The following MYO7B variants were observed in gnomAD, a reference collection of about 807,000 sequenced individuals.
MYO7B encodes myosin VIIB, also known as unconventional myosin-VIIb.
A neutral mutation model predicts 259.7 loss-of-function variants in MYO7B; 212 were observed. That is an observed-to-expected ratio of 0.82 (90% CI 0.73 to 0.91). The LOEUF is 0.91. Ranked by LOEUF, MYO7B falls within the 40% of genes least tolerant of loss-of-function variation. The pLI is 0.00. For missense variants in MYO7B, 2,732 were observed against 2,813.5 expected (o/e 0.97, Z 0.66); for synonymous variants, 1,197 against 1,166.4 (o/e 1.03, Z -0.54).
rs140249118 is a variant in MYO7B, at chr2:127,630,212, T to C, written c.4806+386T>C. Among the ~76,000 whole-genome samples, 5 of 152,328 alleles carry C rather than the reference T, an allele frequency of 3.3e-5. No individual in the cohort carries two copies. In the East Asian group the frequency reaches 9.6e-4, roughly 29 times the overall value. On this transcript the variant is annotated intron_variant, in intron 35 of 47. Transcript: ENST00000409816. ...CAGGAATGGCAGGCATTGCAACATGTACATACTGAGTGCTGAGTATGTGCC... is the reference window on the plus strand; with the variant it reads ...CAGGAATGGCAGGCATTGCAACATGCACATACTGAGTGCTGAGTATGTGCC...
chr2:127,549,403 G>T (rs1693363801), intron 1 of MYO7B, among the ~76,000 whole-genome samples: 1 of 152,146 alleles, frequency 6.6e-6, no homozygotes, highest in African/African-American at 2.4e-5. Context: ...AGGTAGAAAT[G>T]ATCCCGTCAC....
rs1278550638 is a variant in MYO7B at position 127,607,664 on chromosome 2, A to G, written c.2643+240A>G. Among the ~76,000 whole-genome samples, 1 of 152,188 alleles carries G rather than the reference A, an allele frequency of 6.6e-6. No homozygotes were observed. The highest frequency in any genetic ancestry group is 1.9e-4 in the East Asian group (1 of 5,190). On this transcript the variant is annotated intron_variant, in intron 21 of 47. Transcript: ENST00000409816. The surrounding 1 kb of genome is among the most constrained non-coding windows in gnomAD (Gnocchi z 4.4). The stretch of plus-strand genomic sequence containing the variant: ...CTGAGATGTAGCTATCACGAGAGAC[A>G]CACCGTCCTCCTCTCCCTATTCAAA...
At chr2:127,631,052 G>T in intron 36 of MYO7B, 144 bp downstream of exon 36, 1 of 1,374,050 alleles carries the variant, frequency 7.3e-7, no homozygotes, top group Non-Finnish European at 9.8e-7. Context: ...TGTGGAGCCT[G>T]CCTGGCCTTC....
Position 127,566,714 on chromosome 2 carries a change from A to G in MYO7B, c.357A>G (p.Val119=), listed in dbSNP as rs1435486170. The G allele has an allele frequency of 6.2e-7, 1 of 1,611,810 alleles. No individual in the cohort carries two copies. The highest frequency in any genetic ancestry group is 2.2e-5 in the East Asian group (1 of 44,856). Residue 119 remains valine (V), a synonymous_variant, in exon 5 of 48, where the codon GTA becomes GTG. Coordinates refer to ENST00000409816, the MANE Select transcript of MYO7B (RefSeq NM_001393586.1). ...QVLPLYTLEQ[V]QLYYSRHMGE... ...TGCCGCTCTACACCCTGGAGCAGGT[A>G]CAGCTCTACTACAGCCGCCATATGG... is the stretch of plus-strand genomic sequence containing the variant.
chr2:127,618,921 C>T (rs1680697471), intron 26 of MYO7B, among the ~76,000 whole-genome samples: 1 of 152,176 alleles, frequency 6.6e-6, no homozygotes, highest in South Asian at 2.1e-4. Flanking sequence ...GAACAGGAGC[C>T]AAGAGGAGGG....
Position 127,627,357 on chromosome 2 carries a change from G to A in MYO7B, c.4460+47G>A. ...CTCTTCTTACACACTGAGTCCTTGT[G>A]ATGCATCTGGGGGCTCGGGGAGAGA... On this transcript the variant is annotated intron_variant, in intron 33 of 47. Transcript: ENST00000409816. The surrounding 1 kb of genome is among the most constrained non-coding windows in gnomAD (Gnocchi z 5.6). 6.3e-7 allele frequency: 1 copy of A among 1,589,078 alleles called. No homozygotes were observed. The highest frequency in any genetic ancestry group is 1.1e-5 in the South Asian group (1 of 89,738).
rs1678905935 is a variant in MYO7B at position 127,577,213 on chromosome 2, T to C, written c.849+505T>C. On this transcript the variant is annotated intron_variant, in intron 8 of 47. Transcript: ENST00000409816. The surrounding 1 kb of genome is among the most constrained non-coding windows in gnomAD (Gnocchi z 5.2). ...CCTCAGGAGAACTGCGCCTCCTGGT[T>C]TATTGACCACAGAGTGGACCCAGAG... 1.3e-5 allele frequency among the ~76,000 whole-genome samples: 2 copies of C among 152,104 alleles called. No homozygotes were observed. The highest frequency in any genetic ancestry group is 4.2e-4 in the South Asian group (2 of 4,816).
intron 1 of MYO7B, among the ~76,000 whole-genome samples, chr2:127,545,414 C>T (rs1693185554): frequency 6.6e-6 from 1 of 152,220 alleles, no homozygotes; most frequent in Non-Finnish European, 1.5e-5. Flanking sequence ...GGCTCCCATC[C>T]TGGGTGAGCA....
intron 37 of MYO7B, 81 bp downstream of exon 37, chr2:127,631,444 C>T (rs930110252): frequency 2.1e-5 from 33 of 1,555,668 alleles, no homozygotes; most frequent in African/African-American, 4.1e-5. Flanking sequence ...TACAGCTGTG[C>T]TCTAGGGCAG....
chr2:127,634,341 G>T, intron 41 of MYO7B, 52 bp downstream of exon 41: 1 of 1,359,214 alleles, frequency 7.4e-7, no homozygotes, highest in East Asian at 2.5e-5. Flanking sequence ...AGTGAGCGAG[G>T]CCCTAGGTGC....
At chr2:127,571,189 G>T (rs1429531210) in intron 6 of MYO7B, among the ~76,000 whole-genome samples, 1 of 152,114 alleles carries the variant, frequency 6.6e-6, no homozygotes, top group Admixed American at 6.6e-5. Context: ...ACAGCATTTT[G>T]CTTTCCCACC....
intron 10 of MYO7B, among the ~76,000 whole-genome samples, 161 bp downstream of exon 10, chr2:127,580,983 G>A (rs910023365): frequency 6.6e-6 from 1 of 152,236 alleles, no homozygotes; most frequent in African/African-American, 2.4e-5. Flanking sequence ...AGGTGCCTGA[G>A]GGTGGGCGCA....
chr2:127,635,296 G>C (rs772546547), intron 43 of MYO7B, 70 bp downstream of exon 43: 1 of 1,442,006 alleles, frequency 6.9e-7, no homozygotes, highest in Non-Finnish European at 9.5e-7. Context: ...TGAGGCTGTA[G>C]AAGCCAGCAG....
intron 6 of MYO7B, among the ~76,000 whole-genome samples, chr2:127,572,504 CCTTT>C (rs762430975): frequency 6.8e-5 from 10 of 147,018 alleles, no homozygotes; most frequent in Non-Finnish European, 1.2e-4. Flanking sequence ...CTCCTTCCTT[CCTTT>C]CTTTTTCTCC....
At position 127,628,191 on chromosome 2, in the gene MYO7B, C is replaced by A; in HGVS notation, c.4461-181C>A. 1.3e-6 allele frequency: 1 copy of A among 766,126 alleles called. No individual in the cohort carries two copies. The highest frequency in any genetic ancestry group is 2.2e-6 in the Non-Finnish European group (1 of 446,090). 47.5% of individuals were successfully genotyped at this position (766,126 alleles called of 1,614,324 possible). On this transcript the variant is annotated intron_variant, in intron 33 of 47. Transcript: ENST00000409816. This position sits in a 1 kb window ranked among gnomAD's most constrained non-coding sequence, Gnocchi z 4.8. ...CTCTCAGCCTCCGAGAGGTCCTGTG[C>A]TCCGCCGTCCTTCATTTGTCCAGAC...
chr2:127,619,468 G>C (rs1237001241), intron 26 of MYO7B, among the ~76,000 whole-genome samples: 1 of 152,052 alleles, frequency 6.6e-6, no homozygotes, highest in Non-Finnish European at 1.5e-5. Flanking sequence ...ATGACCCCCA[G>C]ATTTCCAGTT....
At chr2:127,619,017 G>T (rs1331951392) in intron 26 of MYO7B, among the ~76,000 whole-genome samples, 2 of 148,036 alleles carry the variant, frequency 1.4e-5, no homozygotes, top group Admixed American at 1.4e-4. Context: ...TGGCTGGTTG[G>T]GTTGTGGGGG....
chr2:127,609,871 T>G lies in MYO7B; in HGVS notation c.3047T>G (p.Val1016Gly). ...CAGGCCGCCCTGGTCATATGGAACG[T>G]CATCCTGAGGTTCATGGGTGATCTC... ...DCLAALVIWN[V>G]ILRFMGDLPE... The change falls in exon 24 of 48, where the codon GTC (valine) becomes GGC (glycine). Residue 1016 changes from valine to glycine, a missense_variant. Physicochemically the swap from Val to Gly is moderately radical, Grantham distance 109. This residue lies in a region of MYO7B where 1,906 missense variants were observed against 2,026.4 expected (regional missense o/e 0.94). Coordinates refer to ENST00000409816, the MANE Select transcript of MYO7B (RefSeq NM_001393586.1). The surrounding 1 kb of genome is among the most constrained non-coding windows in gnomAD (Gnocchi z 6.9). The G allele has an allele frequency of 6.2e-7, 1 of 1,613,082 alleles. No individual in the cohort carries two copies. Among genetic ancestry groups the G allele is most frequent in the Non-Finnish European group, 8.5e-7 (1 of 1,179,486 alleles).
chr2:127,603,727 G>A (rs558173709), intron 19 of MYO7B, among the ~76,000 whole-genome samples: 1 of 152,302 alleles, frequency 6.6e-6, no homozygotes, highest in South Asian at 2.1e-4. Context: ...TAATAAGAGA[G>A]TCAGACTGTC....
Sources: gnomAD v4.1 joint callset for allele counts (sites outside exome capture counted in the v4.1 genomes callset) on GRCh38, gnomAD v4.1.1 for gene constraint, gnomAD v4.1.1 regional missense constraint, Gnocchi (gnomAD v3.1) non-coding constraint, MANE v1.5 for transcripts, NCBI Gene and HGNC (gene_info 2026-07-23, HGNC 2026-07-21) for gene names.